Variants in SLC8A1 observed in about 807,000 individuals in gnomAD.
SLC8A1 encodes the protein solute carrier family 8 member A1, also known as sodium/calcium exchanger 1.
A neutral mutation model predicts 68.3 loss-of-function variants in SLC8A1; 18 were observed. The observed-to-expected ratio is 0.26, with a 90% confidence interval of 0.18 to 0.39. The LOEUF is 0.39. Ranked by LOEUF, SLC8A1 falls within the 10% of genes least tolerant of loss-of-function variation. The pLI is 1.00. For missense variants in SLC8A1, 985 were observed against 1,156.7 expected, an observed-to-expected ratio of 0.85 and a Z score of 2.15; for synonymous variants, 475 against 415.5, an observed-to-expected ratio of 1.14 and a Z score of -1.74.
At chr2:40,416,054 TAAAAAAAAAAA>T (rs779668065) in intron 2 of SLC8A1, among the ~76,000 whole-genome samples, 1 of 116,248 alleles carries the variant, frequency 8.6e-6, no homozygotes, top group Non-Finnish European at 1.8e-5. Context: ...GGCTCTGTTT[TAAAAAAAAAAA>T]AAAAAAAAAA....
chr2:40,386,356 A>G lies in SLC8A1; in HGVS notation c.1808+42117T>C, dbSNP rs1382748803. ...GTATATAACAGAGCAATAGAAGTCA[A>G]TGTAGCGGAATTCCTTTCCTTGGCT... On this transcript the variant is annotated intron_variant, in intron 2 of 7. Coordinates refer to ENST00000406785, the Ensembl canonical transcript of SLC8A1. Among the ~76,000 whole-genome samples the G allele has an allele frequency of 5.3e-5, 8 of 151,238 alleles. No homozygotes were observed. The South Asian group carries it at 1.7e-3, about 31-fold the overall frequency.
At chr2:40,367,204 G>A (rs964234714) in intron 2 of SLC8A1, among the ~76,000 whole-genome samples, 4 of 151,938 alleles carry the variant, frequency 2.6e-5, no homozygotes, top group African/African-American at 9.7e-5. Flanking sequence ...TGCTTAATCA[G>A]GCAGATGGCA....
At chr2:40,178,418 C>A (rs747087111) in intron 2 of SLC8A1, 17 of 1,613,862 alleles carry the variant, frequency 1.1e-5, no homozygotes, top group Non-Finnish European at 1.3e-5. Flanking sequence ...CCAGGCGGGG[C>A]TCTCCAATCT....
chr2:40,101,884 G>T (rs1169313515), exon 8 of SLC8A1: 2 of 152,070 alleles, frequency 1.3e-5, no homozygotes, highest in Non-Finnish European at 2.9e-5. Flanking sequence ...TCTCAGGTGG[G>T]ACTGGATAAT....
At chr2:40,353,387 A>T (rs903737982) in intron 2 of SLC8A1, among the ~76,000 whole-genome samples, 12 of 152,036 alleles carry the variant, frequency 7.9e-5, no homozygotes, top group African/African-American at 2.7e-4. Context: ...ACTTGGCCTC[A>T]TCTGTGACCC....
chr2:40,451,416 G>A (rs1702456603), intron 1 of SLC8A1, among the ~76,000 whole-genome samples: 1 of 152,190 alleles, frequency 6.6e-6, no homozygotes, highest in African/African-American at 2.4e-5. Flanking sequence ...CTGGAAAACA[G>A]GGGGCTCGGA....
intron 2 of SLC8A1, among the ~76,000 whole-genome samples, chr2:40,399,919 C>A (rs1394013575): frequency 6.6e-6 from 1 of 152,178 alleles, no homozygotes; most frequent in East Asian, 1.9e-4. Context: ...CGGCGCCACA[C>A]CCTGGGCCTG....
At chr2:40,340,919 TC>T (rs1259653782) in intron 2 of SLC8A1, among the ~76,000 whole-genome samples, 2 of 152,184 alleles carry the variant, frequency 1.3e-5, no homozygotes, top group Non-Finnish European at 2.9e-5. Context: ...AGGCTTTGAT[TC>T]CTACACAAAT....
intron 2 of SLC8A1, among the ~76,000 whole-genome samples, chr2:40,275,958 G>A (rs1405021752): frequency 2.0e-5 from 3 of 152,114 alleles, no homozygotes; most frequent in Non-Finnish European, 4.4e-5. Context: ...GGATTCATTT[G>A]CCACAGCTCC....
exon 8 of SLC8A1, chr2:40,107,180 T>G (rs894432639): frequency 2.0e-5 from 3 of 149,066 alleles, no homozygotes; most frequent in African/African-American, 7.4e-5. Flanking sequence ...AAACACGTGT[T>G]TAGAAAATGC....
chr2:40,431,569 G>A (rs1698305195), intron 1 of SLC8A1, among the ~76,000 whole-genome samples: 1 of 152,144 alleles, frequency 6.6e-6, no homozygotes. Flanking sequence ...GGATGGAGGT[G>A]AGGGGAAACT....
chr2:40,449,239 T>A (rs2149866100), intron 1 of SLC8A1, among the ~76,000 whole-genome samples: 1 of 151,786 alleles, frequency 6.6e-6, no homozygotes, highest in African/African-American at 2.4e-5. Context: ...GACAACCACA[T>A]CTATGAGCTA....
chr2:40,146,751 T>G (rs2042547161), intron 6 of SLC8A1, among the ~76,000 whole-genome samples: 1 of 152,102 alleles, frequency 6.6e-6, no homozygotes, highest in African/African-American at 2.4e-5. Flanking sequence ...TTGCTATATA[T>G]TTGTAACTTG....
chr2:40,317,717 G>GT (rs1423585140), intron 2 of SLC8A1, among the ~76,000 whole-genome samples: 1 of 151,974 alleles, frequency 6.6e-6, no homozygotes, highest in Non-Finnish European at 1.5e-5. Flanking sequence ...CTCAAACTCT[G>GT]TAAGTCTATT....
At chr2:40,429,056 T>G in exon 2 of SLC8A1, 1 of 1,611,992 alleles carries the variant, frequency 6.2e-7, no homozygotes, top group Non-Finnish European at 8.5e-7. Context: ...TCAAAGAAGA[T>G]CTTACTAACA....
intron 2 of SLC8A1, among the ~76,000 whole-genome samples, chr2:40,405,960 G>A (rs1302350372): frequency 1.3e-5 from 2 of 152,170 alleles, no homozygotes; most frequent in African/African-American, 4.8e-5. Context: ...AATCTTCAAA[G>A]ACTACTATAA....
At chr2:40,412,197 G>T (rs1412243414) in intron 2 of SLC8A1, among the ~76,000 whole-genome samples, 1 of 152,080 alleles carries the variant, frequency 6.6e-6, no homozygotes, top group Non-Finnish European at 1.5e-5. Flanking sequence ...ATATATTAAT[G>T]TCAAGGAGAA....
rs191313323 is a variant in SLC8A1 at position 40,211,106 on chromosome 2, C to T, written c.1809-33251G>A. On this transcript the variant is annotated intron_variant, in intron 2 of 7. Coordinates refer to ENST00000406785, the Ensembl canonical transcript of SLC8A1. ...GTTCAGTGATAAAATGAATGGCTGC[C>T]ATTGGCTGAGGACCCACTGTGGGGC... is the stretch of plus-strand genomic sequence containing the variant. 9.7e-4 allele frequency among the ~76,000 whole-genome samples: 148 copies of T among 152,304 alleles called. 1 individual carries two copies. In the East Asian group the frequency reaches 0.022, roughly 23 times the overall value.
At chr2:40,268,196 C>A (rs1441046044) in intron 2 of SLC8A1, among the ~76,000 whole-genome samples, 2 of 152,024 alleles carry the variant, frequency 1.3e-5, no homozygotes, top group Non-Finnish European at 2.9e-5. Flanking sequence ...GTGTTTCTTT[C>A]CCCTCCAGTG....
Sources: allele counts gnomAD v4.1 joint callset (sites outside exome capture counted in the v4.1 genomes callset), GRCh38; gene constraint gnomAD v4.1.1; transcripts MANE v1.5; gene names NCBI Gene and HGNC (gene_info 2026-07-23, HGNC 2026-07-21).